The following SAMD12 variants were observed in gnomAD, a reference collection of about 807,000 sequenced individuals.
The protein encoded by SAMD12 is sterile alpha motif domain-containing protein 12.
SAMD12 carries 9 observed loss-of-function variants against 15.0 expected under a neutral mutation model. The observed-to-expected ratio is 0.60, with a 90% CI of 0.36 to 1.05. SAMD12 has a LOEUF of 1.05. Among genes scored for constraint, SAMD12 ranks in the 50% least tolerant of loss-of-function variants. SAMD12 has a pLI of 0.01. For synonymous variants in SAMD12, 86 were observed against 90.1 expected, an observed-to-expected ratio of 0.96 and a Z score of 0.25; for missense variants, 230 against 234.2, an observed-to-expected ratio of 0.98 and a Z score of 0.12.
the SAMD12 span, among the ~76,000 whole-genome samples, chr8:118,140,958 T>C: frequency 1.3e-5 from 2 of 152,160 alleles, no homozygotes; most frequent in South Asian, 4.1e-4. Context: ...AGAGATAAAG[T>C]TTTGTTGGGC....
At chr8:118,499,610 A>G (rs1332634275) in intron 2 of SAMD12, among the ~76,000 whole-genome samples, 1 of 152,232 alleles carries the variant, frequency 6.6e-6, no homozygotes, top group Non-Finnish European at 1.5e-5. Context: ...GTAGGCTTTC[A>G]GAATAGTTTC....
chr8:118,583,098 T>C (rs1489942395), intron 1 of SAMD12, among the ~76,000 whole-genome samples: 1 of 152,168 alleles, frequency 6.6e-6, no homozygotes, highest in Admixed American at 6.5e-5. Context: ...GTGAATTACA[T>C]GCCTATTACT....
chr8:118,376,961 G>T (rs188727455), downstream of SAMD12, among the ~76,000 whole-genome samples: 1 of 112,614 alleles, frequency 8.9e-6, no homozygotes, highest in Non-Finnish European at 1.8e-5. Context: ...ATATTTTAAC[G>T]CTAATCTGTC....
intron 3 of SAMD12, among the ~76,000 whole-genome samples, chr8:118,404,107 C>G (rs959655118): frequency 6.6e-6 from 1 of 152,152 alleles, no homozygotes; most frequent in African/African-American, 2.4e-5. Context: ...CTCAACCTCC[C>G]AAGTAGCTGG....
chr8:118,318,308 G>GTA (rs1554630246), intron 4 of SAMD12, among the ~76,000 whole-genome samples: 22 of 57,520 alleles, frequency 3.8e-4, no homozygotes, highest in Admixed American at 4.6e-4. Flanking sequence ...GGAGATATAT[G>GTA]TGTATATATA....
At chr8:118,554,599 C>T (rs1030496736) in intron 2 of SAMD12, among the ~76,000 whole-genome samples, 14 of 151,768 alleles carry the variant, frequency 9.2e-5, no homozygotes, top group South Asian at 2.1e-4. Context: ...CTGGGTGCAG[C>T]GCACTAGCAT....
At chr8:118,343,796 C>T (rs1200609148) in intron 4 of SAMD12, among the ~76,000 whole-genome samples, 1 of 152,110 alleles carries the variant, frequency 6.6e-6, no homozygotes, top group Non-Finnish European at 1.5e-5. Flanking sequence ...TAGGTCAGGA[C>T]TTCCATGGAT....
At chr8:118,366,869 A>T (rs1330609002) in intron 4 of SAMD12, among the ~76,000 whole-genome samples, 1 of 122,872 alleles carries the variant, frequency 8.1e-6, no homozygotes, top group African/African-American at 3.5e-5. Context: ...AATAAAATAA[A>T]ATAAAATAAA....
At chr8:118,331,486 C>A (rs1816803577) in intron 4 of SAMD12, among the ~76,000 whole-genome samples, 2 of 152,060 alleles carry the variant, frequency 1.3e-5, no homozygotes. Flanking sequence ...AACAAGATAC[C>A]AATGACATTT....
chr8:118,614,364 G>A (rs1249105113), intron 1 of SAMD12, among the ~76,000 whole-genome samples: 2 of 152,192 alleles, frequency 1.3e-5, no homozygotes, highest in Non-Finnish European at 2.9e-5. Flanking sequence ...GAGCTGTTGA[G>A]TGAATTACCC....
intron 2 of SAMD12, among the ~76,000 whole-genome samples, chr8:118,564,197 C>T (rs1826785124): frequency 6.6e-6 from 1 of 151,906 alleles, no homozygotes; most frequent in African/African-American, 2.4e-5. Context: ...CCCCTCACCC[C>T]CCGCCACCTG....
chr8:118,548,066 T>C (rs990967253), intron 2 of SAMD12, among the ~76,000 whole-genome samples: 8 of 152,110 alleles, frequency 5.3e-5, no homozygotes, highest in East Asian at 1.9e-4. Context: ...AGGACCTTAT[T>C]TCTTTCTCAA....
exon 5 of SAMD12, chr8:118,191,898 G>C (rs1173760134): frequency 2.1e-5 from 3 of 141,304 alleles, no homozygotes; most frequent in Non-Finnish European, 4.6e-5. Flanking sequence ...AAGGACCACA[G>C]GCATGCTCAA....
intron 2 of SAMD12, among the ~76,000 whole-genome samples, chr8:118,480,804 C>A (rs1055585126): frequency 6.6e-6 from 1 of 152,230 alleles, no homozygotes; most frequent in Non-Finnish European, 1.5e-5. Flanking sequence ...TTGGCTCCAG[C>A]GGCACTGGCA....
At chr8:118,621,548 A>G (rs1828406895) in intron 1 of SAMD12, 2 of 530,118 alleles carry the variant, frequency 3.8e-6, no homozygotes, top group Non-Finnish European at 6.7e-6. Flanking sequence ...ATCGTTTCGC[A>G]TCAGGGACAC....
intron 4 of SAMD12, among the ~76,000 whole-genome samples, chr8:118,296,824 C>G (rs889704835): frequency 1.3e-5 from 2 of 152,236 alleles, no homozygotes; most frequent in African/African-American, 4.8e-5. Flanking sequence ...TTCACTCACT[C>G]ATTCATTCAT....
chr8:118,163,759 C>T, the SAMD12 span, among the ~76,000 whole-genome samples: 1 of 152,166 alleles, frequency 6.6e-6, no homozygotes, highest in African/African-American at 2.4e-5. Flanking sequence ...CCTGTAGTCC[C>T]AGCTACTCAG....
chr8:118,463,169 T>A (rs1029528701), intron 2 of SAMD12, among the ~76,000 whole-genome samples: 2 of 139,746 alleles, frequency 1.4e-5, no homozygotes, highest in Admixed American at 1.4e-4. Flanking sequence ...TCAACTGGTG[T>A]GGGGAATGGA....
chr8:118,166,366 A>G, the SAMD12 span, among the ~76,000 whole-genome samples: 1 of 152,218 alleles, frequency 6.6e-6, no homozygotes. Flanking sequence ...CAGTACCTTT[A>G]TTAGTTCTGT....
Sources: allele counts gnomAD v4.1 joint callset (sites outside exome capture counted in the v4.1 genomes callset), GRCh38; gene constraint gnomAD v4.1.1; transcripts MANE v1.5; gene names NCBI Gene and HGNC (gene_info 2026-07-23, HGNC 2026-07-21).